The following EIF4G3 variants were observed in gnomAD, a reference collection of about 807,000 sequenced individuals.
EIF4G3 encodes the protein eukaryotic translation initiation factor 4 gamma 3, also known as eIF-4-gamma 3.
In EIF4G3, 34 loss-of-function variants were observed where a neutral mutation model predicts 186.4. The observed-to-expected ratio is 0.18, with a 90% CI of 0.14 to 0.24. EIF4G3 has a LOEUF of 0.24. Ranked by LOEUF, EIF4G3 falls within the 10% of genes least tolerant of loss-of-function variation. The pLI, the probability that EIF4G3 is intolerant of heterozygous loss-of-function variation, is 1.00. For missense variants in EIF4G3, 1,536 were observed against 1,948.5 expected (o/e 0.79, Z 3.99); for synonymous variants, 673 against 679.5 (o/e 0.99, Z 0.15).
At chr1:20,994,268 ACT>A (rs1188100198) in intron 7 of EIF4G3, among the ~76,000 whole-genome samples, 6 of 152,034 alleles carry the variant, frequency 3.9e-5, no homozygotes, top group Non-Finnish European at 1.5e-5. Flanking sequence ...AAAATAGCAA[ACT>A]CTTTCTAACA....
chr1:20,862,168 A>T (rs546770075), intron 23 of EIF4G3, 60 bp downstream of exon 23: 8 of 1,034,876 alleles, frequency 7.7e-6, no homozygotes, highest in Non-Finnish European at 1.1e-5. Context: ...TCCTTCCCCA[A>T]CCCAATTCCT....
In EIF4G3 at chr1:20,810,112, G is replaced by A. The variant is rs990311267; in HGVS notation, c.4744+626C>T. On this transcript the variant is annotated intron_variant, in intron 36 of 36. Coordinates refer to ENST00000602326, the MANE Select transcript of EIF4G3 (RefSeq NM_001391906.1). The surrounding 1 kb of genome is among the most constrained non-coding windows in gnomAD (Gnocchi z 4.1). ...CAGCTTTCTGAGTAGCTGTAGCTGG[G>A]ACTACAGGCACATGCCACCACACCT... Among the ~76,000 whole-genome samples the A allele has an allele frequency of 5.3e-5, 8 of 151,558 alleles. No homozygotes were observed. The South Asian group carries it at 8.3e-4, about 16-fold the overall frequency.
At chr1:20,923,162 T>C (rs2154560145) in intron 14 of EIF4G3, among the ~76,000 whole-genome samples, 1 of 152,336 alleles carries the variant, frequency 6.6e-6, no homozygotes, top group South Asian at 2.1e-4. Flanking sequence ...TCCAGCTTCA[T>C]TTTTATCTTG....
chr1:21,014,260 G>A (rs775146878), intron 4 of EIF4G3, among the ~76,000 whole-genome samples: 36 of 152,336 alleles, frequency 2.4e-4, no homozygotes, highest in Non-Finnish European at 3.5e-4. Flanking sequence ...TGTGATTGTG[G>A]TTGTCTGGCC....
chr1:21,161,095 C>T (rs535178432), intron 2 of EIF4G3, among the ~76,000 whole-genome samples: 1 of 151,790 alleles, frequency 6.6e-6, no homozygotes, highest in Non-Finnish European at 1.5e-5. Context: ...CACTTGAACC[C>T]GGGAGGCAGA....
At chr1:20,898,824 G>A (rs963520598) in intron 16 of EIF4G3, among the ~76,000 whole-genome samples, 5 of 152,060 alleles carry the variant, frequency 3.3e-5, no homozygotes, top group South Asian at 2.1e-4. Context: ...TCTGCCTTCC[G>A]GGTTCAAGCG....
intron 2 of EIF4G3, among the ~76,000 whole-genome samples, chr1:21,173,924 T>C (rs1253836423): frequency 6.6e-6 from 1 of 152,206 alleles, no homozygotes; most frequent in Non-Finnish European, 1.5e-5. Context: ...TCAATCCTTT[T>C]TTAATCAATA....
intron 14 of EIF4G3, among the ~76,000 whole-genome samples, chr1:20,935,611 T>C (rs75378144): frequency 0.03 from 4,541 of 152,332 alleles, 242 homozygotes; most frequent in African/African-American, 0.1. Context: ...ATGTGATATT[T>C]TGATAAAAGC....
rs140416357 is a variant in EIF4G3 at position 20,893,615 on chromosome 1, T to C, written c.2155A>G (p.Met719Val). Residue 719 changes from methionine (M) to valine (V), a missense_variant, in exon 18 of 37, where the codon ATG becomes GTG. By Grantham distance (21) the Met-to-Val change is conservative (BLOSUM62 1). This residue lies in a region of EIF4G3 where 139 missense variants were observed against 192.8 expected (regional missense o/e 0.72). Coordinates refer to ENST00000602326, the MANE Select transcript of EIF4G3 (RefSeq NM_001391906.1). ...AAAATTCGAGGATCCAGAGTTCGCATTGGCAATTTGGGTTGGTTGATCTGC... is the reference window on the plus strand; with the variant it reads ...AAAATTCGAGGATCCAGAGTTCGCACTGGCAATTTGGGTTGGTTGATCTGC... ...LDKINQPKLP[M>V]RTLDPRILPR... is the part of the protein sequence containing the mutation. 106 of 1,575,812 alleles carry C rather than the reference T, an allele frequency of 6.7e-5. 2 individuals are homozygous for C. The Middle Eastern group carries it at 1.2e-3, about 18-fold the overall frequency.
At chr1:20,831,808 T>A (rs1557829752) in intron 30 of EIF4G3, among the ~76,000 whole-genome samples, 1 of 142,334 alleles carries the variant, frequency 7.0e-6, no homozygotes, top group Admixed American at 7.3e-5. Flanking sequence ...CCTTCCTGTG[T>A]CCATGTGATC....
At chr1:21,070,936 C>A (rs1477027619) in intron 3 of EIF4G3, among the ~76,000 whole-genome samples, 2 of 152,074 alleles carry the variant, frequency 1.3e-5, no homozygotes, top group Non-Finnish European at 2.9e-5. Flanking sequence ...TATTTCATTC[C>A]ATTTCTTGAG....
chr1:20,813,619 C>T (rs2059717165), intron 34 of EIF4G3, among the ~76,000 whole-genome samples: 2 of 151,872 alleles, frequency 1.3e-5, no homozygotes, highest in Admixed American at 1.3e-4. Flanking sequence ...GTAATCCCAG[C>T]ACTTTGGGAG....
At chr1:20,905,298 T>C (rs537816870) in intron 14 of EIF4G3, among the ~76,000 whole-genome samples, 2 of 152,342 alleles carry the variant, frequency 1.3e-5, no homozygotes, top group East Asian at 3.9e-4. Context: ...CTGGGTCTAC[T>C]TCTATTCATC....
intron 34 of EIF4G3, among the ~76,000 whole-genome samples, chr1:20,814,648 C>T (rs1231010915): frequency 6.6e-6 from 1 of 151,970 alleles, no homozygotes; most frequent in Admixed American, 6.6e-5. Context: ...TAATCTCAAG[C>T]ATTACTTAAC....
intron 2 of EIF4G3, among the ~76,000 whole-genome samples, chr1:21,104,486 T>C (rs1043054883): frequency 6.6e-6 from 1 of 152,120 alleles, no homozygotes; most frequent in Admixed American, 6.6e-5. Flanking sequence ...ACATAACTAA[T>C]CATTAGAGAA....
At chr1:21,085,836 G>A (rs1319829033) in intron 3 of EIF4G3, among the ~76,000 whole-genome samples, 2 of 152,136 alleles carry the variant, frequency 1.3e-5, no homozygotes, top group Non-Finnish European at 2.9e-5. Context: ...TGGGACTACA[G>A]GTTCACGCCA....
intron 14 of EIF4G3, among the ~76,000 whole-genome samples, chr1:20,910,083 A>C (rs1273731200): frequency 6.6e-6 from 1 of 152,016 alleles, no homozygotes; most frequent in Non-Finnish European, 1.5e-5. Context: ...GCCACACTTG[A>C]CCCAATCTGC....
intron 18 of EIF4G3, 77 bp from the exon 19 acceptor site, chr1:20,886,448 T>G: frequency 6.3e-6 from 9 of 1,420,746 alleles, no homozygotes; most frequent in Non-Finnish European, 7.7e-6. Context: ...TCAAGTCTGA[T>G]GACTACGCCA....
At position 20,863,304 on chromosome 1, in the gene EIF4G3, A is replaced by C. The variant is rs542730216; in HGVS notation, c.3007-972T>G. Among the ~76,000 whole-genome samples, 5 of 151,386 alleles carry C rather than the reference A, an allele frequency of 3.3e-5. No homozygotes were observed. In the South Asian group the frequency reaches 1.0e-3, roughly 32 times the overall value. On this transcript the variant is annotated intron_variant, in intron 22 of 36. Transcript: ENST00000602326. Reference sequence around the variant, plus strand: ...TCCTAGCAATTAGGGAGGCCAAGGCAAAAGGACTGCTTGAAGCCAGGAGTT... The same window carrying C: ...TCCTAGCAATTAGGGAGGCCAAGGCCAAAGGACTGCTTGAAGCCAGGAGTT...
Sources: gnomAD v4.1 joint callset for allele counts (sites outside exome capture counted in the v4.1 genomes callset) on GRCh38, gnomAD v4.1.1 for gene constraint, gnomAD v4.1.1 regional missense constraint, Gnocchi (gnomAD v3.1) non-coding constraint, MANE v1.5 for transcripts, NCBI Gene and HGNC (gene_info 2026-07-23, HGNC 2026-07-21) for gene names.